The following ELF1 variants were observed in gnomAD, a reference collection of about 807,000 sequenced individuals.
The protein encoded by ELF1 is ETS-related transcription factor Elf-1.
Under a neutral mutation model 59.9 loss-of-function variants are expected in ELF1, and 24 were observed. The ratio of observed to expected loss-of-function variants is 0.40; its 90% CI spans 0.29 to 0.56. ELF1 has a LOEUF of 0.56. Ranked by LOEUF, ELF1 falls within the 20% of genes least tolerant of loss-of-function variation. The pLI, the probability that ELF1 is intolerant of heterozygous loss-of-function variation, is 0.44. For missense variants in ELF1, 627 were observed against 742.2 expected, an observed-to-expected ratio of 0.84 and a Z score of 1.80; for synonymous variants, 248 against 266.2, an observed-to-expected ratio of 0.93 and a Z score of 0.67.
intron 1 of ELF1, among the ~76,000 whole-genome samples, chr13:41,000,677 T>A (rs1362099843): frequency 6.6e-6 from 1 of 152,156 alleles, no homozygotes; most frequent in Non-Finnish European, 1.5e-5. Context: ...TTGTACAATA[T>A]CACAATAAGG....
chr13:41,032,592 T>G (rs558738201), intron 1 of ELF1, among the ~76,000 whole-genome samples: 1 of 152,142 alleles, frequency 6.6e-6, no homozygotes, highest in East Asian at 1.9e-4. Context: ...GGGCACAGTG[T>G]CTCATGCCTA....
intron 3 of ELF1, 171 bp from the exon 4 acceptor site, chr13:40,951,607 C>G (rs558039421): frequency 3.1e-5 from 13 of 425,682 alleles, no homozygotes; most frequent in African/African-American, 2.5e-4. Flanking sequence ...CGCAGTGGCT[C>G]ATTCCTGTAA....
At chr13:41,026,551 G>C (rs9532707) in intron 1 of ELF1, among the ~76,000 whole-genome samples, 48,631 of 152,074 alleles carry the variant, frequency 0.32, 9,455 homozygotes, top group Middle Eastern at 0.46. Flanking sequence ...CTCTCTATAG[G>C]TAAATCACAG....
At position 40,996,419 on chromosome 13, in the gene ELF1, A is replaced by G. The variant is rs374759782; in HGVS notation, c.-228-14137T>C. On this transcript the variant is annotated intron_variant, in intron 1 of 8. Transcript: ENST00000239882. ...CTTGTAAGCAACGAAGATGTCCTTC[A>G]GTAGGTGAATAAACTGTAGTGCATC... 2.2e-4 allele frequency among the ~76,000 whole-genome samples: 34 copies of G among 152,368 alleles called. 1 individual carries two copies. The South Asian group carries it at 7.0e-3, about 32-fold the overall frequency.
chr13:40,949,614 T>TA (rs2138155205), intron 5 of ELF1, among the ~76,000 whole-genome samples, 192 bp downstream of exon 5: 1 of 151,978 alleles, frequency 6.6e-6, no homozygotes, highest in South Asian at 2.1e-4. Context: ...CTCGGCCTCC[T>TA]AAAGTGCTGG....
intron 1 of ELF1, among the ~76,000 whole-genome samples, chr13:41,052,518 C>T (rs1200400236): frequency 6.6e-6 from 1 of 152,088 alleles, no homozygotes; most frequent in Non-Finnish European, 1.5e-5. Flanking sequence ...TCATTCAATA[C>T]CTAGGTGAAG....
chr13:40,966,214 A>C (rs1007340303), intron 2 of ELF1, among the ~76,000 whole-genome samples: 1 of 152,246 alleles, frequency 6.6e-6, no homozygotes, highest in Non-Finnish European at 1.5e-5. Context: ...AATCTATCAA[A>C]GATCAGGGTT....
chr13:41,055,515 A>G (rs1486921997), intron 1 of ELF1, among the ~76,000 whole-genome samples: 1 of 151,164 alleles, frequency 6.6e-6, no homozygotes, highest in African/African-American at 2.4e-5. Flanking sequence ...ACTATCAAAC[A>G]CTTATGACCC....
chr13:40,939,351 A>G (rs1424069799), intron 8 of ELF1, among the ~76,000 whole-genome samples: 1 of 152,154 alleles, frequency 6.6e-6, no homozygotes, highest in Non-Finnish European at 1.5e-5. Flanking sequence ...CTACTCTATA[A>G]TATCTACAAT....
chr13:41,042,197 A>G (rs1009873878), intron 1 of ELF1, among the ~76,000 whole-genome samples: 8 of 151,846 alleles, frequency 5.3e-5, no homozygotes, highest in African/African-American at 1.9e-4. Flanking sequence ...TAATTTTTGT[A>G]TTTTTAGTAA....
chr13:40,968,721 CTTTT>C (rs35089615), intron 2 of ELF1, among the ~76,000 whole-genome samples: 1 of 137,366 alleles, frequency 7.3e-6, no homozygotes, highest in Non-Finnish European at 1.6e-5. Context: ...TTTCTATATT[CTTTT>C]TTTTTTTTTT....
At chr13:40,971,956 G>C (rs1030696018) in intron 2 of ELF1, among the ~76,000 whole-genome samples, 26 of 151,144 alleles carry the variant, frequency 1.7e-4, no homozygotes, top group Non-Finnish European at 2.9e-4. Context: ...TTTTTGGGGG[G>C]GGGTATAGTA....
At chr13:40,950,390 T>C (rs1423982094) in intron 4 of ELF1, among the ~76,000 whole-genome samples, 1 of 152,238 alleles carries the variant, frequency 6.6e-6, no homozygotes, top group African/African-American at 2.4e-5. Flanking sequence ...ACAAAGCTTC[T>C]GTAATCTAGT....
intron 1 of ELF1, among the ~76,000 whole-genome samples, chr13:41,042,148 G>A (rs1160318249): frequency 6.6e-6 from 1 of 152,018 alleles, no homozygotes; most frequent in African/African-American, 2.4e-5. Context: ...TGAGCCTCCT[G>A]AGTACCTAGG....
chr13:41,019,499 A>G (rs1180416018), upstream of ELF1: 6 of 532,160 alleles, frequency 1.1e-5, no homozygotes, highest in South Asian at 3.3e-4. Flanking sequence ...CCTTGATTAG[A>G]CCATTACTAA....
intron 1 of ELF1, among the ~76,000 whole-genome samples, chr13:41,016,234 T>C (rs1013595282): frequency 2.0e-5 from 3 of 152,186 alleles, no homozygotes; most frequent in Non-Finnish European, 4.4e-5. Context: ...TTTAGGACAA[T>C]GATGGCCACA....
intron 1 of ELF1, among the ~76,000 whole-genome samples, chr13:41,026,074 A>G (rs1174785022): frequency 6.6e-6 from 1 of 152,224 alleles, no homozygotes; most frequent in Non-Finnish European, 1.5e-5. Context: ...ATATTAGTCC[A>G]TTATATCAAT....
chr13:40,997,182 T>A (rs950771183), intron 1 of ELF1, among the ~76,000 whole-genome samples: 1 of 152,190 alleles, frequency 6.6e-6, no homozygotes, highest in African/African-American at 2.4e-5. Flanking sequence ...AACTTCCTGC[T>A]CCCTGTGTGA....
chr13:41,044,474 C>T (rs1392158883), intron 1 of ELF1, among the ~76,000 whole-genome samples: 1 of 152,174 alleles, frequency 6.6e-6, no homozygotes, highest in Admixed American at 6.5e-5. Context: ...CCCATCAATA[C>T]AGAATTTATT....
Sources: allele counts gnomAD v4.1 joint callset (sites outside exome capture counted in the v4.1 genomes callset), GRCh38; gene constraint gnomAD v4.1.1; transcripts MANE v1.5; gene names NCBI Gene and HGNC (gene_info 2026-07-23, HGNC 2026-07-21).